The following EP400 variants were observed in gnomAD, a reference collection of about 807,000 sequenced individuals.
EP400 encodes the protein E1A-binding protein p400.
EP400 carries 105 observed loss-of-function variants against 354.1 expected under a neutral mutation model. That is an observed-to-expected ratio of 0.30 (90% confidence interval 0.25 to 0.35). The LOEUF is 0.35. EP400 is among the 10% of genes least tolerant of loss of function. The pLI, the probability that EP400 is intolerant of heterozygous loss-of-function variation, is 1.00. For missense variants in EP400, 3,280 were observed against 4,121.0 expected (o/e 0.80, Z 5.59); for synonymous variants, 1,646 against 1,716.9 (o/e 0.96, Z 1.02).
chr12:131,960,493 T>G, intron 1 of EP400, 92 bp from the exon 2 acceptor site: 2 of 1,211,046 alleles, frequency 1.7e-6, no homozygotes, highest in Non-Finnish European at 2.3e-6. Flanking sequence ...GCGGTGGGAA[T>G]GTACTTTCAA....
chr12:131,955,024 A>G (rs1891648402), intron 1 of EP400, among the ~76,000 whole-genome samples: 1 of 152,206 alleles, frequency 6.6e-6, no homozygotes, highest in Non-Finnish European at 1.5e-5. Context: ...CCTTATGTCA[A>G]AAAAAGAGAA....
In EP400 at chr12:131,954,011, G is replaced by A. The variant is rs183341907; in HGVS notation, c.-36+3975G>A. 1.0e-2 allele frequency among the ~76,000 whole-genome samples: 1,517 copies of A among 152,128 alleles called. 89 individuals are homozygous for A. The highest frequency in any genetic ancestry group is 2.1e-3 in the Non-Finnish European group (143 of 68,008). ...ACCTGTAGTCCCAGCTACTCAGGAG[G>A]CTGAGGCATGAGAATCGCTTGAGCC... On this transcript the variant is annotated intron_variant, in intron 1 of 52. Coordinates refer to ENST00000389561, the MANE Select transcript of EP400 (RefSeq NM_015409.5).
At position 132,070,714 on chromosome 12, in the gene EP400, G is replaced by A. The variant is rs903472307; in HGVS notation, c.9021+1073G>A. Among the ~76,000 whole-genome samples, 4 of 152,142 alleles carry A rather than the reference G, an allele frequency of 2.6e-5. No homozygotes were observed. On this transcript the variant is annotated intron_variant, in intron 51 of 52. Coordinates refer to ENST00000389561, the MANE Select transcript of EP400 (RefSeq NM_015409.5). This position sits in a 1 kb window ranked among gnomAD's most constrained non-coding sequence, Gnocchi z 4.1. ...GATTCACCAATATGATGCATCTTTT[G>A]TTACTTAAGTCTTTTTTAATGCCTT...
intron 1 of EP400, among the ~76,000 whole-genome samples, chr12:131,956,724 C>T (rs1341544333): frequency 2.6e-5 from 4 of 152,042 alleles, no homozygotes; most frequent in African/African-American, 9.7e-5. Flanking sequence ...AGTGGAGTGC[C>T]AGTTGTCTGA....
chr12:132,050,902 C>A lies in EP400; in HGVS notation c.7394+247C>A. On this transcript the variant is annotated intron_variant, in intron 41 of 52. Transcript: ENST00000389561. This position sits in a 1 kb window ranked among gnomAD's most constrained non-coding sequence, Gnocchi z 4.8. ...CTTGCTGGCCCTCAGTGGGGAAAGA[C>A]GCTGACAGATGTGATGAGTGTGCCA... 1.7e-6 allele frequency: 1 copy of A among 577,616 alleles called. No individual in the cohort carries two copies. The highest frequency in any genetic ancestry group is 2.0e-5 in the South Asian group (1 of 49,158). The allele number at this position is 577,616 out of a possible 1,614,324, so 35.8% of individuals were successfully genotyped here.
chr12:132,059,658 A>G (rs987905489), intron 45 of EP400, among the ~76,000 whole-genome samples: 3 of 152,240 alleles, frequency 2.0e-5, no homozygotes, highest in Non-Finnish European at 2.9e-5. Flanking sequence ...CAGCGGAATG[A>G]CAGACACTGG....
At chr12:132,047,245 A>G (rs949163787) in intron 39 of EP400, among the ~76,000 whole-genome samples, 1 of 152,180 alleles carries the variant, frequency 6.6e-6, no homozygotes, top group Non-Finnish European at 1.5e-5. Context: ...CCCTTCACCA[A>G]TAAGACTTCC....
At chr12:132,041,471 GCCTCTT>G (rs1894906606) in intron 32 of EP400, among the ~76,000 whole-genome samples, 1 of 152,162 alleles carries the variant, frequency 6.6e-6, no homozygotes, top group African/African-American at 2.4e-5. Flanking sequence ...CATACGTGGA[GCCTCTT>G]CCTTCGGGTC....
intron 12 of EP400, among the ~76,000 whole-genome samples, chr12:132,000,339 A>G (rs185222533): frequency 3.7e-4 from 57 of 152,276 alleles, no homozygotes; most frequent in Admixed American, 1.4e-3. Flanking sequence ...CAGAAGATGT[A>G]TGGGATTCTC....
rs1425484017 is a variant in EP400, at chr12:132,052,451, G to T, written c.7395-695G>T. 6.6e-6 allele frequency among the ~76,000 whole-genome samples: 1 copy of T among 152,226 alleles called. No individual in the cohort carries two copies. The highest frequency in any genetic ancestry group is 1.5e-5 in the Non-Finnish European group (1 of 68,054). On this transcript the variant is annotated intron_variant, in intron 41 of 52. Coordinates refer to ENST00000389561, the MANE Select transcript of EP400 (RefSeq NM_015409.5). This position sits in a 1 kb window ranked among gnomAD's most constrained non-coding sequence, Gnocchi z 4.4. ...GTGCTCCCTGAGTGTGCTGGCAGCCGCGCCCCAGCCCTTCACTTAACTGCC... is the reference window on the plus strand; with the variant it reads ...GTGCTCCCTGAGTGTGCTGGCAGCCTCGCCCCAGCCCTTCACTTAACTGCC...
chr12:132,051,748 G>T (rs1200608123), intron 41 of EP400, among the ~76,000 whole-genome samples: 2 of 151,948 alleles, frequency 1.3e-5, no homozygotes, highest in African/African-American at 4.8e-5. Flanking sequence ...ACTGCGGGCG[G>T]GCCTGACTAA....
At chr12:132,076,380 A>G in intron 51 of EP400, 136 bp from the exon 52 acceptor site, 1 of 850,982 alleles carries the variant, frequency 1.2e-6, no homozygotes, top group Non-Finnish European at 1.9e-6. Context: ...AGGTGGGCAC[A>G]CTACGAGAAT....
intron 1 of EP400, among the ~76,000 whole-genome samples, chr12:131,950,398 C>T (rs1329024466): frequency 6.6e-6 from 1 of 152,184 alleles, no homozygotes; most frequent in South Asian, 2.1e-4. Flanking sequence ...GTTCTCGGGG[C>T]TGAGGGGGTG....
intron 12 of EP400, among the ~76,000 whole-genome samples, chr12:131,995,961 G>A (rs562391990): frequency 1.3e-5 from 2 of 152,316 alleles, no homozygotes; most frequent in East Asian, 3.9e-4. Context: ...TTGACTGAAT[G>A]TACCGTTCAT....
intron 24 of EP400, among the ~76,000 whole-genome samples, chr12:132,024,728 C>T (rs978628486): frequency 6.6e-6 from 1 of 150,458 alleles, no homozygotes; most frequent in African/African-American, 2.5e-5. Flanking sequence ...CTACCTTCCC[C>T]CACCTTCCTC....
intron 19 of EP400, among the ~76,000 whole-genome samples, chr12:132,016,319 A>G (rs1893930953): frequency 1.3e-5 from 2 of 151,920 alleles, no homozygotes; most frequent in Admixed American, 6.6e-5. Flanking sequence ...GTGGGGACTC[A>G]GGACTCCAGG....
rs778736417 is a variant in EP400 at position 132,044,898 on chromosome 12, G to A, written c.6729G>A (p.Lys2243=). 6.2e-7 allele frequency: 1 copy of A among 1,614,204 alleles called. No homozygotes were observed. The highest frequency in any genetic ancestry group is 1.1e-5 in the South Asian group (1 of 91,084). ...AAGCCACTCCCATCCCAGAGGCTAA[G>A]CTGCCCCCTGTGTACGTGAGGAAGG... The part of the protein sequence containing the change: ...MYEATPIPEA[K]LPPVYVRKER... The change falls in exon 37 of 53, where the codon AAG becomes AAA. Residue 2243 remains lysine (K), a synonymous_variant. Coordinates refer to ENST00000389561, the MANE Select transcript of EP400 (RefSeq NM_015409.5).
intron 12 of EP400, among the ~76,000 whole-genome samples, chr12:131,997,409 T>C (rs1050577667): frequency 2.0e-5 from 3 of 151,944 alleles, no homozygotes; most frequent in African/African-American, 2.4e-5. Flanking sequence ...GCTGGGACTA[T>C]AGTGCGCGCT....
At chr12:131,978,357 C>T (rs922569754) in intron 2 of EP400, among the ~76,000 whole-genome samples, 1 of 152,196 alleles carries the variant, frequency 6.6e-6, no homozygotes, top group Non-Finnish European at 1.5e-5. Context: ...ACTGTAGTTT[C>T]ACCGCCCTAG....
Sources: allele counts gnomAD v4.1 joint callset (sites outside exome capture counted in the v4.1 genomes callset), GRCh38; gene constraint gnomAD v4.1.1; non-coding constraint Gnocchi (gnomAD v3.1); transcripts MANE v1.5; gene names NCBI Gene and HGNC (gene_info 2026-07-23, HGNC 2026-07-21).